Variants in MAP4K4 observed in about 807,000 individuals in gnomAD.
MAP4K4 encodes the protein HPK/GCK-like kinase HGK.
Under a neutral mutation model 189.6 loss-of-function variants are expected in MAP4K4, and 38 were observed. The observed-to-expected ratio is 0.20, with a 90% confidence interval of 0.15 to 0.26. The LOEUF is 0.26. Ranked by LOEUF, MAP4K4 falls within the 10% of genes least tolerant of loss-of-function variation. MAP4K4 has a pLI of 1.00. For missense variants in MAP4K4, 1,054 were observed against 1,726.9 expected, an observed-to-expected ratio of 0.61 and a Z score of 6.91; for synonymous variants, 610 against 624.3, an observed-to-expected ratio of 0.98 and a Z score of 0.34.
At position 101,866,294 on chromosome 2, in the gene MAP4K4, G is replaced by A. The variant is rs144121036; in HGVS notation, c.2205-134G>A. 3.9e-4 allele frequency: 262 copies of A among 670,700 alleles called. 1 individual carries two copies. The African/African-American group carries it at 4.5e-3, about 12-fold the overall frequency. The allele number at this position is 670,700 out of a possible 1,614,324, so 41.5% of individuals were successfully genotyped here. A position where few individuals can be genotyped will look rare whatever the true frequency, so the allele number is the denominator to read the frequency against. On this transcript the variant is annotated intron_variant, in intron 18 of 32. Transcript: ENST00000324219. ...TATCTTTTGGTGAATTTAATGTTGA[G>A]TGCTGTTTATAGACTGTTTTTTGTC... is the stretch of plus-strand genomic sequence containing the variant.
intron 5 of MAP4K4, among the ~76,000 whole-genome samples, chr2:101,829,014 G>A (rs2096491940): frequency 6.6e-6 from 1 of 152,196 alleles, no homozygotes; most frequent in South Asian, 2.1e-4. Context: ...ATGGAGGTGG[G>A]ATTGATCAGC....
intron 2 of MAP4K4, among the ~76,000 whole-genome samples, chr2:101,712,263 C>T (rs929677244): frequency 1.3e-5 from 2 of 151,578 alleles, no homozygotes; most frequent in African/African-American, 2.4e-5. Context: ...GGTGCGATCT[C>T]GGCTCACTGC....
At chr2:101,887,820 A>C in exon 31 of MAP4K4, 1 of 1,613,378 alleles carries the variant, frequency 6.2e-7, no homozygotes, top group Non-Finnish European at 8.5e-7. Flanking sequence ...CATCCTCCCC[A>C]ATACAGATGG....
intron 22 of MAP4K4, 59 bp downstream of exon 22, chr2:101,869,856 C>T: frequency 2.0e-6 from 3 of 1,464,938 alleles, no homozygotes; most frequent in Non-Finnish European, 2.7e-6. Context: ...CTGCTTTCCA[C>T]TGGGACCTAG....
intron 6 of MAP4K4, among the ~76,000 whole-genome samples, chr2:101,830,459 T>A (rs2096562362): frequency 1.3e-5 from 2 of 152,234 alleles, no homozygotes; most frequent in African/African-American, 4.8e-5. Flanking sequence ...AAATAGAGTT[T>A]GTATTAATTT....
rs371516875 is a variant in MAP4K4 at position 101,867,481 on chromosome 2, C to T, written c.2454+172C>T. 3.5e-5 allele frequency: 20 copies of T among 579,686 alleles called. 1 individual carries two copies. Among genetic ancestry groups the T allele is most frequent in the South Asian group, 1.0e-4 (5 of 48,166 alleles). 35.9% of individuals were successfully genotyped at this position (579,686 alleles called of 1,614,324 possible). A position where few individuals can be genotyped will look rare whatever the true frequency, so the allele number is the denominator to read the frequency against. ...CATACTTGTTCCCTTCCATTGGTAT[C>T]GTCTGCTTTCCCTGTATAAAGTCTC... On this transcript the variant is annotated intron_variant, in intron 20 of 32. Transcript: ENST00000324219.
intron 2 of MAP4K4, among the ~76,000 whole-genome samples, chr2:101,720,737 A>G (rs2051403546): frequency 6.6e-6 from 1 of 152,188 alleles, no homozygotes; most frequent in Non-Finnish European, 1.5e-5. Flanking sequence ...GCTTTCTGAA[A>G]ATTCAGATAT....
intron 3 of MAP4K4, among the ~76,000 whole-genome samples, chr2:101,801,746 G>C (rs2148986410): frequency 6.6e-6 from 1 of 152,312 alleles, no homozygotes; most frequent in South Asian, 2.1e-4. Flanking sequence ...CCTCTCCTGA[G>C]TGCTGCATTG....
intron 2 of MAP4K4, among the ~76,000 whole-genome samples, chr2:101,758,199 T>C (rs1304407485): frequency 3.3e-5 from 5 of 152,220 alleles, no homozygotes; most frequent in Non-Finnish European, 5.9e-5. Flanking sequence ...GTCTGTCTTA[T>C]AGTAATGAAC....
chr2:101,782,532 G>A (rs2088176714), intron 2 of MAP4K4, among the ~76,000 whole-genome samples: 1 of 152,174 alleles, frequency 6.6e-6, no homozygotes, highest in South Asian at 2.1e-4. Flanking sequence ...CAGAAGGAAG[G>A]GAGAAGTAGA....
chr2:101,863,270 T>A (rs2097717538), intron 16 of MAP4K4, among the ~76,000 whole-genome samples: 1 of 152,250 alleles, frequency 6.6e-6, no homozygotes, highest in African/African-American at 2.4e-5. Context: ...GTTGGTATAT[T>A]TGAAAAATTA....
chr2:101,762,814 G>C (rs1031623156), intron 2 of MAP4K4, among the ~76,000 whole-genome samples: 1 of 152,182 alleles, frequency 6.6e-6, no homozygotes, highest in Admixed American at 6.5e-5. Context: ...GGCTCTCCCT[G>C]TGTGGGTGTA....
At chr2:101,796,167 T>C (rs1005617087) in intron 3 of MAP4K4, among the ~76,000 whole-genome samples, 6 of 152,206 alleles carry the variant, frequency 3.9e-5, no homozygotes, top group African/African-American at 1.4e-4. Context: ...CTTTCCAACA[T>C]GTGGTCCTTT....
At chr2:101,889,453 C>T (rs73945511) in intron 32 of MAP4K4, among the ~76,000 whole-genome samples, 1,982 of 152,234 alleles carry the variant, frequency 0.013, 45 homozygotes, top group African/African-American at 0.045. Flanking sequence ...GACCCCATGG[C>T]ATGACACCCC....
intron 16 of MAP4K4, among the ~76,000 whole-genome samples, chr2:101,863,043 T>C (rs975547479): frequency 1.3e-5 from 2 of 152,180 alleles, no homozygotes; most frequent in Admixed American, 6.5e-5. Context: ...ATTTTCCCAA[T>C]TTAGAAGCAA....
At chr2:101,842,527 G>C (rs768810353) in intron 10 of MAP4K4, 82 bp from the exon 11 acceptor site, 22 of 951,894 alleles carry the variant, frequency 2.3e-5, no homozygotes, top group Non-Finnish European at 3.4e-5. Context: ...TTTCTGCCAA[G>C]GTGCTCCTGC....
In MAP4K4 at chr2:101,832,653, C is replaced by T. The variant is rs192154520; in HGVS notation, c.639+802C>T. Among the ~76,000 whole-genome samples the T allele has an allele frequency of 7.2e-5, 11 of 152,130 alleles. No homozygotes were observed. The East Asian group carries it at 1.2e-3, about 16-fold the overall frequency. On this transcript the variant is annotated intron_variant, in intron 7 of 32. Coordinates refer to ENST00000324219, the Ensembl canonical transcript of MAP4K4. ...GTCTCTAAAATTTGAAAATGTTTTC[C>T]GGCATTCCCCAAATAATTATTATAC... is the stretch of plus-strand genomic sequence containing the variant.
intron 2 of MAP4K4, among the ~76,000 whole-genome samples, chr2:101,784,418 T>A (rs1274165822): frequency 6.6e-6 from 1 of 152,144 alleles, no homozygotes; most frequent in Non-Finnish European, 1.5e-5. Context: ...AGTCTTCAGG[T>A]TACTGAGATG....
At chr2:101,857,691 TCTGA>T (rs899888888) in intron 13 of MAP4K4, among the ~76,000 whole-genome samples, 11 of 152,186 alleles carry the variant, frequency 7.2e-5, no homozygotes, top group African/African-American at 2.2e-4. Flanking sequence ...TCAGTAGCCT[TCTGA>T]CTAAGTCCGC....
Sources: allele counts gnomAD v4.1 joint callset (sites outside exome capture counted in the v4.1 genomes callset), GRCh38; gene constraint gnomAD v4.1.1; transcripts MANE v1.5; gene names NCBI Gene and HGNC (gene_info 2026-07-23, HGNC 2026-07-21).